Variants in RANBP10 observed in about 807,000 individuals in gnomAD.
RANBP10 encodes the protein ran-binding protein 10.
A neutral mutation model predicts 72.8 loss-of-function variants in RANBP10; 24 were observed. That is an observed-to-expected ratio of 0.33 (90% confidence interval 0.24 to 0.46). RANBP10 has a LOEUF of 0.46. Among genes scored for constraint, RANBP10 ranks in the 20% least tolerant of loss-of-function variants. The probability of loss-of-function intolerance (pLI) is 1.00; values close to 1 mark genes in which losing one functional copy is unlikely to be tolerated. For missense variants in RANBP10, 679 were observed against 817.5 expected (o/e 0.83, Z 2.07); for synonymous variants, 310 against 322.3 (o/e 0.96, Z 0.41).
At chr16:67,777,476 C>A (rs1462857309) in intron 2 of RANBP10, among the ~76,000 whole-genome samples, 2 of 152,040 alleles carry the variant, frequency 1.3e-5, no homozygotes, top group African/African-American at 4.8e-5. Context: ...GCTGAGCTTG[C>A]AGTGAGCCGA....
intron 2 of RANBP10, among the ~76,000 whole-genome samples, chr16:67,797,760 G>A (rs1026335295): frequency 1.3e-5 from 2 of 152,018 alleles, no homozygotes; most frequent in African/African-American, 2.4e-5. Context: ...GCAGTGAGCC[G>A]AGATCACTCC....
intron 3 of RANBP10, among the ~76,000 whole-genome samples, chr16:67,745,319 TTCTC>T (rs1401042240): frequency 2.1e-4 from 32 of 150,672 alleles, no homozygotes; most frequent in East Asian, 8.1e-4. Context: ...TATAGTAAGA[TTCTC>T]TCTTTTATTT....
At position 67,726,351 on chromosome 16, in the gene RANBP10, C is replaced by T. The variant is rs1204301629; in HGVS notation, c.*77G>A. 1.2e-5 allele frequency: 19 copies of T among 1,591,940 alleles called. No individual in the cohort carries two copies. The Admixed American group carries it at 1.2e-4, about 10-fold the overall frequency. On this transcript the variant is annotated 3_prime_UTR_variant, in exon 14 of 14. Coordinates refer to ENST00000317506, the MANE Select transcript of RANBP10 (RefSeq NM_020850.3). ...GTCTATGGTTTCCCAGTCCCTGCAC[C>T]AGTTGCCTATGGAGGGCAGGGCAGC...
intron 11 of RANBP10, 75 bp from the exon 12 acceptor site, chr16:67,727,971 G>T: frequency 6.5e-7 from 1 of 1,538,002 alleles, no homozygotes; most frequent in Non-Finnish European, 8.9e-7. Context: ...GGGGCAGGAA[G>T]GACCCCGGGT....
chr16:67,756,891 C>T (rs956935964), intron 3 of RANBP10, among the ~76,000 whole-genome samples: 15 of 151,838 alleles, frequency 9.9e-5, no homozygotes, highest in African/African-American at 3.6e-4. Flanking sequence ...ACCTCTCTCT[C>T]GGGGATGGCA....
intron 2 of RANBP10, among the ~76,000 whole-genome samples, chr16:67,785,525 C>T (rs1338475495): frequency 6.6e-6 from 1 of 151,658 alleles, no homozygotes; most frequent in African/African-American, 2.4e-5. Context: ...GTCAGGTGTT[C>T]GAGACCAGCC....
intron 6 of RANBP10, among the ~76,000 whole-genome samples, chr16:67,733,522 G>A (rs1162220143): frequency 6.6e-6 from 1 of 152,134 alleles, no homozygotes; most frequent in Admixed American, 6.5e-5. Context: ...CCAGCCAAAA[G>A]GCTTGTGACA....
chr16:67,803,918 T>C lies in RANBP10; in HGVS notation c.347+1510A>G, dbSNP rs572303710. On this transcript the variant is annotated intron_variant, in intron 2 of 13. Coordinates refer to ENST00000317506, the MANE Select transcript of RANBP10 (RefSeq NM_020850.3). ...ATTTCAGAGGCATAGAATTCTGGAG[T>C]TCAGGCAGCTTAGATGCTGGCCTGG... Among the ~76,000 whole-genome samples, 10 of 150,092 alleles carry C rather than the reference T, an allele frequency of 6.7e-5. No individual in the cohort carries two copies. In the Admixed American group the frequency reaches 6.7e-4, roughly 10 times the overall value.
chr16:67,792,837 C>T (rs573446046), intron 2 of RANBP10, among the ~76,000 whole-genome samples: 3 of 151,668 alleles, frequency 2.0e-5, no homozygotes, highest in South Asian at 2.1e-4. Flanking sequence ...TTAGGGTGCT[C>T]GTATGGAGAA....
chr16:67,792,387 T>C (rs1310126745), intron 2 of RANBP10, among the ~76,000 whole-genome samples: 1 of 150,982 alleles, frequency 6.6e-6, no homozygotes, highest in East Asian at 1.9e-4. Flanking sequence ...ACCCCATCTC[T>C]ACTAAAAAAA....
chr16:67,740,986 C>T (rs2053958873), intron 4 of RANBP10, among the ~76,000 whole-genome samples: 1 of 152,178 alleles, frequency 6.6e-6, no homozygotes, highest in Non-Finnish European at 1.5e-5. Context: ...ATATTGCTTA[C>T]TCCAGGGCTC....
At chr16:67,746,099 T>A (rs1462601641) in intron 3 of RANBP10, among the ~76,000 whole-genome samples, 2 of 150,900 alleles carry the variant, frequency 1.3e-5, no homozygotes, top group African/African-American at 4.9e-5. Context: ...GAGGTTGCAG[T>A]GAGCCGAGAT....
intron 4 of RANBP10, chr16:67,738,759 A>C (rs1324083397): frequency 6.6e-6 from 1 of 152,018 alleles, no homozygotes; most frequent in Non-Finnish European, 1.5e-5. Flanking sequence ...GCCCCGGGCT[A>C]GGTAGTTTTA....
At chr16:67,736,852 C>A (rs2053857600) in intron 5 of RANBP10, among the ~76,000 whole-genome samples, 1 of 152,148 alleles carries the variant, frequency 6.6e-6, no homozygotes, top group African/African-American at 2.4e-5. Flanking sequence ...TTAACAGGAC[C>A]CTGGGTGCTA....
Position 67,725,612 on chromosome 16 carries a change from A to G in RANBP10, c.*816T>C, listed in dbSNP as rs1244484169. On this transcript the variant is annotated 3_prime_UTR_variant, in exon 14 of 14. Transcript: ENST00000317506. ...ATAGTGTGCTGGCCAAGGACCCTCT[A>G]CCTCTGCTGTGTGGCCCTGGGCCAA... 1 of 152,236 alleles carries G rather than the reference A, an allele frequency of 6.6e-6. No homozygotes were observed. Among genetic ancestry groups the G allele is most frequent in the Non-Finnish European group, 1.5e-5 (1 of 68,028 alleles). 9.4% of individuals were successfully genotyped at this position (152,236 alleles called of 1,614,324 possible).
At chr16:67,752,262 T>C (rs540313769) in intron 3 of RANBP10, among the ~76,000 whole-genome samples, 1 of 152,310 alleles carries the variant, frequency 6.6e-6, no homozygotes, top group South Asian at 2.1e-4. Flanking sequence ...TGACAGTGGA[T>C]TATCCAGGTG....
At chr16:67,748,759 G>T (rs2054138985) in intron 3 of RANBP10, among the ~76,000 whole-genome samples, 3 of 152,066 alleles carry the variant, frequency 2.0e-5, no homozygotes, top group African/African-American at 7.2e-5. Flanking sequence ...AGCTGCAGAA[G>T]GGTTCGACTG....
chr16:67,785,731 C>CAAAGAAAAAAAAAAAAAAAAAAAAA (rs2054904604), intron 2 of RANBP10, among the ~76,000 whole-genome samples: 1 of 71,784 alleles, frequency 1.4e-5, no homozygotes, highest in African/African-American at 6.9e-5. Flanking sequence ...GACTCCATCT[C>CAAAGAAAAAAAAAAAAAAAAAAAAA]AAAAAAAAAA....
At chr16:67,783,197 A>C (rs772036332) in intron 2 of RANBP10, among the ~76,000 whole-genome samples, 2 of 152,188 alleles carry the variant, frequency 1.3e-5, no homozygotes, top group Non-Finnish European at 2.9e-5. Context: ...ACCCTGCTGC[A>C]GTGAGACAGA....
Sources: allele counts gnomAD v4.1 joint callset (sites outside exome capture counted in the v4.1 genomes callset), GRCh38; gene constraint gnomAD v4.1.1; transcripts MANE v1.5; gene names NCBI Gene and HGNC (gene_info 2026-07-23, HGNC 2026-07-21).